SH2B2: variants seen among roughly 807,000 people sequenced by gnomAD.
The protein encoded by SH2B2 is SH2B adapter protein 2.
Under a neutral mutation model 35.7 loss-of-function variants are expected in SH2B2, and 37 were observed. That is an observed-to-expected ratio of 1.04 (90% CI 0.80 to 1.36). The LOEUF is 1.36. SH2B2 is among the 40% of genes most tolerant of loss of function. The pLI, the probability that SH2B2 is intolerant of heterozygous loss-of-function variation, is 0.00. For synonymous variants in SH2B2, 383 were observed against 376.4 expected (o/e 1.02, Z -0.20); for missense variants, 852 against 817.7 (o/e 1.04, Z -0.51).
intron 7 of SH2B2, among the ~76,000 whole-genome samples, chr7:102,319,537 G>A (rs1201603409): frequency 1.3e-5 from 2 of 152,134 alleles, no homozygotes; most frequent in Non-Finnish European, 2.9e-5. Flanking sequence ...ACCACACCTA[G>A]CAGATTGTCT....
Position 102,300,718 on chromosome 7 carries a change from C to A in SH2B2, c.168C>A (p.Asp56Glu). The A allele has an allele frequency of 6.5e-7, 1 of 1,532,556 alleles. No homozygotes were observed. The highest frequency in any genetic ancestry group is 8.8e-7 in the Non-Finnish European group (1 of 1,135,912). 94.9% of individuals were successfully genotyped at this position (1,532,556 alleles called of 1,614,324 possible). The change falls in exon 2 of 9, where the codon GAC becomes GAA. Residue 56 changes from aspartate (D) to glutamate (E), a missense_variant. Asp to Glu is a conservative substitution (Grantham distance 45). Coordinates refer to ENST00000444095, the MANE Select transcript of SH2B2 (RefSeq NM_001359228.2). ...ACAACCCAGCTTACGACACGCCCGA[C>A]GCCGGCGCCTCCTTCTCCCGCCACT... ...LRDNPAYDTPDAGASFSRHFA... is the reference protein window; with the variant it reads ...LRDNPAYDTPEAGASFSRHFA...
chr7:102,319,536 A>G (rs1247798672), intron 7 of SH2B2, among the ~76,000 whole-genome samples: 1 of 152,100 alleles, frequency 6.6e-6, no homozygotes, highest in Non-Finnish European at 1.5e-5. Flanking sequence ...CACCACACCT[A>G]GCAGATTGTC....
rs1272502769 is a variant in SH2B2, at chr7:102,321,603, C to G, written c.1872C>G (p.Ala624=). The G allele has an allele frequency of 2.6e-6, 3 of 1,159,746 alleles. No individual in the cohort carries two copies. The highest frequency in any genetic ancestry group is 2.1e-6 in the Non-Finnish European group (2 of 942,452). 71.8% of individuals were successfully genotyped at this position (1,159,746 alleles called of 1,614,324 possible). A position where few individuals can be genotyped will look rare whatever the true frequency, so the allele number is the denominator to read the frequency against. ...PPEAAPGRAR[A]VENQYSFY ...AGGCCGCGCCCGGCCGCGCGCGCGC[C>G]GTGGAGAACCAGTACTCCTTCTACT... Residue 624 remains alanine, a synonymous_variant, in exon 9 of 9, where the codon GCC becomes GCG. Transcript: ENST00000444095.
At position 102,321,615 on chromosome 7, in the gene SH2B2, G is replaced by T; in HGVS notation, c.1884G>T (p.Gln628His). The change falls in exon 9 of 9, where the codon CAG (glutamine) becomes CAT (histidine). Residue 628 changes from glutamine to histidine, a missense_variant. Physicochemically the swap from Gln to His is conservative, Grantham distance 24. Transcript: ENST00000444095. ...GCCGCGCGCGCGCCGTGGAGAACCA[G>T]TACTCCTTCTACTAGCCCGCGGCGC... ...APGRARAVEN[Q>H]YSFY The T allele has an allele frequency of 8.6e-7, 1 of 1,157,560 alleles. No individual in the cohort carries two copies. Among genetic ancestry groups the T allele is most frequent in the Non-Finnish European group, 1.1e-6 (1 of 940,134 alleles). The allele number at this position is 1,157,560 out of a possible 1,614,324, so 71.7% of individuals were successfully genotyped here.
At chr7:102,310,487 T>TA (rs1265905451) in intron 4 of SH2B2, among the ~76,000 whole-genome samples, 1 of 151,932 alleles carries the variant, frequency 6.6e-6, no homozygotes, top group East Asian at 1.9e-4. Context: ...AGAGGGCAGT[T>TA]ACGGTCAGCT....
intron 1 of SH2B2, among the ~76,000 whole-genome samples, chr7:102,294,851 G>A (rs1384364584): frequency 1.3e-5 from 2 of 152,162 alleles, no homozygotes; most frequent in African/African-American, 4.8e-5. Flanking sequence ...CTCTGCATCC[G>A]GGGCTGGACC....
At chr7:102,303,062 C>T (rs747775324) in intron 2 of SH2B2, among the ~76,000 whole-genome samples, 24 of 151,204 alleles carry the variant, frequency 1.6e-4, no homozygotes, top group African/African-American at 4.6e-4. Flanking sequence ...GGAGAAACCC[C>T]GTCTCTAATA....
rs1013842185 is a variant in SH2B2, at chr7:102,297,753, G to A, written c.-29-2769G>A. ...AGCACTGAGGACACAGCCGCTTCTA[G>A]GACTGGCAAAATCCCTGCCTTGTGA... On this transcript the variant is annotated intron_variant, in intron 1 of 8. Coordinates refer to ENST00000444095, the MANE Select transcript of SH2B2 (RefSeq NM_001359228.2). This position sits in a 1 kb window ranked among gnomAD's most constrained non-coding sequence, Gnocchi z 4.3. 2.0e-5 allele frequency among the ~76,000 whole-genome samples: 3 copies of A among 152,062 alleles called. No individual in the cohort carries two copies. Among genetic ancestry groups the A allele is most frequent in the Non-Finnish European group, 4.4e-5 (3 of 68,022 alleles).
At position 102,321,427 on chromosome 7, in the gene SH2B2, G is replaced by A. The variant is rs1794076783; in HGVS notation, c.1696G>A (p.Ala566Thr). The A allele has an allele frequency of 3.8e-6, 5 of 1,319,894 alleles. No individual in the cohort carries two copies. Among genetic ancestry groups the A allele is most frequent in the Non-Finnish European group, 9.7e-7 (1 of 1,032,646 alleles). The allele number at this position is 1,319,894 out of a possible 1,614,324, so 81.8% of individuals were successfully genotyped here. ...PPASPSDAAG[A>T]SSSSASSSSA... ...TGCCTCGCCCTCCGACGCCGCCGGC[G>A]CCTCCTCGTCTTCCGCCTCGTCGTC... Residue 566 changes from alanine to threonine, a missense_variant, in exon 9 of 9, where the codon GCC (alanine) becomes ACC (threonine). By Grantham distance (58) the Ala-to-Thr change is moderately conservative. Coordinates refer to ENST00000444095, the MANE Select transcript of SH2B2 (RefSeq NM_001359228.2).
chr7:102,302,796 T>A (rs1000270351), intron 2 of SH2B2, among the ~76,000 whole-genome samples: 3 of 152,218 alleles, frequency 2.0e-5, no homozygotes, highest in African/African-American at 7.2e-5. Flanking sequence ...CGCGCACCTG[T>A]AGTCCAAGCT....
At chr7:102,286,426 G>C (rs1232805326), upstream of SH2B2, among the ~76,000 whole-genome samples, 8 of 152,226 alleles carry the variant, frequency 5.3e-5, no homozygotes, top group African/African-American at 1.4e-4. Context: ...TCAGCGAGGG[G>C]CGCTTCGAGG....
chr7:102,286,457 C>T (rs1281186641), upstream of SH2B2, among the ~76,000 whole-genome samples: 2 of 152,166 alleles, frequency 1.3e-5, no homozygotes, highest in South Asian at 2.1e-4. Context: ...CCCATACACC[C>T]GCCACGCAGG....
At chr7:102,301,537 C>CGTGTGTGT (rs139217859) in intron 2 of SH2B2, among the ~76,000 whole-genome samples, 1 of 148,108 alleles carries the variant, frequency 6.8e-6, no homozygotes, top group Non-Finnish European at 1.5e-5. Context: ...TTTTTCTTTT[C>CGTGTGTGT]GTGTGTGTGT....
intron 2 of SH2B2, among the ~76,000 whole-genome samples, chr7:102,301,563 T>TCC (rs1554553960): frequency 4.0e-4 from 54 of 134,554 alleles, no homozygotes; most frequent in African/African-American, 1.9e-3. Context: ...TGTGTCCGTG[T>TCC]GTGTGTGTGT....
At chr7:102,290,463 C>T (rs1402186148) in intron 1 of SH2B2, among the ~76,000 whole-genome samples, 1 of 152,148 alleles carries the variant, frequency 6.6e-6, no homozygotes, top group African/African-American at 2.4e-5. Context: ...TGGGGTTTCA[C>T]CGTGTTGGCC....
chr7:102,315,942 T>G (rs1793814205), intron 6 of SH2B2, among the ~76,000 whole-genome samples: 1 of 151,858 alleles, frequency 6.6e-6, no homozygotes, highest in African/African-American at 2.4e-5. Context: ...TCAGTTTACC[T>G]CATAGACTTC....
At chr7:102,315,036 A>G (rs1374336818) in intron 6 of SH2B2, among the ~76,000 whole-genome samples, 3 of 152,040 alleles carry the variant, frequency 2.0e-5, no homozygotes, top group African/African-American at 7.2e-5. Flanking sequence ...TAAAAATATA[A>G]AAATTAGCTG....
Position 102,290,236 on chromosome 7 carries a change from C to A in SH2B2, c.-30+3142C>A, listed in dbSNP as rs911992712. On this transcript the variant is annotated intron_variant, in intron 1 of 8. Coordinates refer to ENST00000444095, the MANE Select transcript of SH2B2 (RefSeq NM_001359228.2). ...GACCAGCCTGGAACTTGGCTCCATACCCCCCTTTTTTTTTTTTATTTTTTT... is the reference window on the plus strand; with the variant it reads ...GACCAGCCTGGAACTTGGCTCCATAACCCCCTTTTTTTTTTTTATTTTTTT... Among the ~76,000 whole-genome samples the A allele has an allele frequency of 6.0e-5, 3 of 50,310 alleles. No individual in the cohort carries two copies. In the Admixed American group the frequency reaches 6.7e-4, roughly 11 times the overall value. The allele number at this position is 50,310 out of a possible 152,430, so 33.0% of individuals were successfully genotyped here.
In SH2B2 at chr7:102,314,522, G is replaced by C; in HGVS notation, c.1026G>C (p.Leu342=). 2.5e-6 allele frequency: 1 copy of C among 398,734 alleles called. No homozygotes were observed. The highest frequency in any genetic ancestry group is 4.4e-6 in the Non-Finnish European group (1 of 226,202). The allele number at this position is 398,734 out of a possible 1,614,324, so 24.7% of individuals were successfully genotyped here. Residue 342 remains leucine (L), a synonymous_variant, in exon 6 of 9, where the codon CTG becomes CTC. Transcript: ENST00000444095. The stretch of plus-strand genomic sequence containing the variant: ...CTGCCACTTCCCCAGCAGTCGACCT[G>C]CCCCGCCCCCCAGAGACGACAGCCG... ...SCELLTDAVD[L]PRPPETTAVG... is the part of the protein sequence containing the mutation.
Sources: gnomAD v4.1 joint callset for allele counts (sites outside exome capture counted in the v4.1 genomes callset) on GRCh38, gnomAD v4.1.1 for gene constraint, Gnocchi (gnomAD v3.1) non-coding constraint, MANE v1.5 for transcripts, NCBI Gene and HGNC (gene_info 2026-07-23, HGNC 2026-07-21) for gene names.